The following RORA variants were observed in gnomAD, a reference collection of about 807,000 sequenced individuals.
RORA encodes the protein nuclear receptor ROR-alpha.
A neutral mutation model predicts 69.5 loss-of-function variants in RORA; 7 were observed. The ratio of observed to expected loss-of-function variants is 0.10; its 90% CI spans 0.06 to 0.19. RORA has a LOEUF of 0.19. Ranked by LOEUF, RORA falls within the 10% of genes least tolerant of loss-of-function variation. RORA has a pLI of 1.00. For missense variants in RORA, 457 were observed against 663.0 expected, an observed-to-expected ratio of 0.69 and a Z score of 3.41; for synonymous variants, 261 against 240.8, an observed-to-expected ratio of 1.08 and a Z score of -0.78.
At chr15:60,995,143 G>A (rs1894495104) in intron 1 of RORA, among the ~76,000 whole-genome samples, 1 of 152,182 alleles carries the variant, frequency 6.6e-6, no homozygotes, top group Admixed American at 6.5e-5. Flanking sequence ...CAGAGAATAG[G>A]GAAATGAATA....
intron 1 of RORA, among the ~76,000 whole-genome samples, chr15:61,159,540 C>CT (rs1024433609): frequency 1.3e-5 from 2 of 152,128 alleles, no homozygotes; most frequent in Non-Finnish European, 2.9e-5. Flanking sequence ...AGATGCTGAT[C>CT]TTTTTTTATA....
intron 3 of RORA, among the ~76,000 whole-genome samples, chr15:60,522,868 G>A (rs1301501377): frequency 1.3e-5 from 2 of 151,068 alleles, no homozygotes; most frequent in African/African-American, 2.4e-5. Flanking sequence ...TCAGGAGTTC[G>A]AGACCAGCCT....
intron 1 of RORA, among the ~76,000 whole-genome samples, chr15:60,936,929 A>G (rs1186647533): frequency 1.3e-5 from 2 of 152,200 alleles, no homozygotes; most frequent in African/African-American, 4.8e-5. Context: ...TGGTCATTAG[A>G]TAAGAGGAGT....
At position 60,496,283 on chromosome 15, in the gene RORA, T is replaced by G. The variant is rs2065166200; in HGVS notation, c.*1172A>C. The stretch of plus-strand genomic sequence containing the variant: ...GTGTGCATTTGCTCAGGATATAATC[T>G]TTGGGTCCTTCTTATAATAAAAGCT... On this transcript the variant is annotated 3_prime_UTR_variant, in exon 11 of 11. Coordinates refer to ENST00000335670, the MANE Select transcript of RORA (RefSeq NM_134261.3). This position sits in a 1 kb window ranked among gnomAD's most constrained non-coding sequence, Gnocchi z 4.5. 1 of 152,212 alleles carries G rather than the reference T, an allele frequency of 6.6e-6. No individual in the cohort carries two copies. The highest frequency in any genetic ancestry group is 2.4e-5 in the African/African-American group (1 of 41,438). The allele number at this position is 152,212 out of a possible 1,614,324, so 9.4% of individuals were successfully genotyped here. A position where few individuals can be genotyped will look rare whatever the true frequency, so the allele number is the denominator to read the frequency against.
intron 1 of RORA, among the ~76,000 whole-genome samples, chr15:61,126,346 C>T (rs1179489944): frequency 2.0e-5 from 3 of 152,192 alleles, no homozygotes; most frequent in African/African-American, 7.2e-5. Flanking sequence ...TATCCATCAA[C>T]TTACACACCT....
chr15:60,600,636 G>A (rs1420321768), intron 2 of RORA, among the ~76,000 whole-genome samples: 1 of 152,148 alleles, frequency 6.6e-6, no homozygotes, highest in Non-Finnish European at 1.5e-5. Context: ...CAATATGTTA[G>A]ATCCACATTT....
chr15:60,945,389 G>A (rs1434987857), intron 1 of RORA, among the ~76,000 whole-genome samples: 1 of 152,176 alleles, frequency 6.6e-6, no homozygotes, highest in African/African-American at 2.4e-5. Flanking sequence ...ATACCAGGTT[G>A]GCTCTCTTCC....
At chr15:60,776,137 G>A (rs962791098) in intron 1 of RORA, among the ~76,000 whole-genome samples, 6 of 152,070 alleles carry the variant, frequency 3.9e-5, no homozygotes, top group East Asian at 1.9e-4. Flanking sequence ...CAGCACCCAC[G>A]ATATTGTGAT....
At chr15:60,947,575 G>A (rs1032426418) in intron 1 of RORA, among the ~76,000 whole-genome samples, 6 of 150,222 alleles carry the variant, frequency 4.0e-5, no homozygotes, top group Non-Finnish European at 8.8e-5. Flanking sequence ...AGGGTCCTCT[G>A]CCTAGGAAAA....
chr15:61,157,180 C>T (rs758873152), intron 1 of RORA, among the ~76,000 whole-genome samples: 1 of 152,076 alleles, frequency 6.6e-6, no homozygotes, highest in Non-Finnish European at 1.5e-5. Flanking sequence ...GTATTTTGAC[C>T]AAGTGAGAAT....
chr15:60,811,871 T>C (rs1325323669), intron 1 of RORA, among the ~76,000 whole-genome samples: 3 of 152,232 alleles, frequency 2.0e-5, no homozygotes, highest in Non-Finnish European at 4.4e-5. Flanking sequence ...TTTCATTTAC[T>C]GTCTCTTGGG....
intron 6 of RORA, among the ~76,000 whole-genome samples, chr15:60,505,227 G>GA (rs1431192537): frequency 6.6e-6 from 1 of 152,162 alleles, no homozygotes; most frequent in Non-Finnish European, 1.5e-5. Context: ...AATTCATTTA[G>GA]ACTTTTGGAA....
chr15:60,789,987 C>T (rs975538657), intron 1 of RORA, among the ~76,000 whole-genome samples: 1 of 152,260 alleles, frequency 6.6e-6, no homozygotes, highest in East Asian at 1.9e-4. Flanking sequence ...ATAGATGATA[C>T]AACCGATAAG....
chr15:60,993,304 C>G (rs185810596), intron 1 of RORA, among the ~76,000 whole-genome samples: 1 of 152,042 alleles, frequency 6.6e-6, no homozygotes, highest in South Asian at 2.1e-4. Context: ...ATTACTGTCC[C>G]CCTTTTATAG....
chr15:60,796,615 G>T (rs565262570), intron 1 of RORA, among the ~76,000 whole-genome samples: 1 of 152,180 alleles, frequency 6.6e-6, no homozygotes, highest in East Asian at 1.9e-4. Flanking sequence ...AAGCAATTTG[G>T]TAGCCCCTCA....
chr15:61,083,087 G>C (rs1314852755), intron 1 of RORA, among the ~76,000 whole-genome samples: 1 of 152,164 alleles, frequency 6.6e-6, no homozygotes, highest in Non-Finnish European at 1.5e-5. Context: ...CTCTCAAAAA[G>C]GTGTGGAATT....
intron 1 of RORA, among the ~76,000 whole-genome samples, chr15:60,683,780 G>A (rs1370214416): frequency 6.6e-6 from 1 of 152,090 alleles, no homozygotes; most frequent in African/African-American, 2.4e-5. Context: ...AACTAAGAGG[G>A]CTAAAAGGCC....
intron 2 of RORA, among the ~76,000 whole-genome samples, chr15:60,572,548 C>T (rs2140456964): frequency 6.6e-6 from 1 of 152,180 alleles, no homozygotes; most frequent in African/African-American, 2.4e-5. Flanking sequence ...TCCCTCCTAC[C>T]ATTTAAAAAC....
chr15:60,871,010 A>C (rs2073549266), intron 1 of RORA, among the ~76,000 whole-genome samples: 1 of 152,226 alleles, frequency 6.6e-6, no homozygotes, highest in South Asian at 2.1e-4. Context: ...TGCAAGTTGG[A>C]GAGGTTTGAT....
Sources: allele counts gnomAD v4.1 joint callset (sites outside exome capture counted in the v4.1 genomes callset), GRCh38; gene constraint gnomAD v4.1.1; non-coding constraint Gnocchi (gnomAD v3.1); transcripts MANE v1.5; gene names NCBI Gene and HGNC (gene_info 2026-07-23, HGNC 2026-07-21).